DGKB: variants seen among roughly 807,000 people sequenced by gnomAD.
DGKB encodes the protein 90 kDa diacylglycerol kinase.
DGKB carries 67 observed loss-of-function variants against 114.3 expected under a neutral mutation model. That is an observed-to-expected ratio of 0.59 (90% CI 0.48 to 0.72). The LOEUF (loss-of-function observed/expected upper bound fraction) is 0.72, where lower values mean the gene tolerates loss of function less well. DGKB is among the 30% of genes least tolerant of loss of function. The pLI, the probability that DGKB is intolerant of heterozygous loss-of-function variation, is 0.00. For synonymous variants in DGKB, 398 were observed against 323.1 expected (o/e 1.23, Z -2.49); for missense variants, 907 against 975.2 (o/e 0.93, Z 0.93).
chr7:14,473,172 A>T (rs1781670007), intron 21 of DGKB, among the ~76,000 whole-genome samples: 1 of 152,072 alleles, frequency 6.6e-6, no homozygotes, highest in Non-Finnish European at 1.5e-5. Context: ...GCATAAGAGG[A>T]AAAAATGGTT....
intron 23 of DGKB, among the ~76,000 whole-genome samples, chr7:14,258,078 T>C (rs1048253598): frequency 3.9e-5 from 6 of 152,196 alleles, no homozygotes; most frequent in African/African-American, 1.2e-4. Flanking sequence ...TATTTCTTCA[T>C]AGCAGTGTGA....
intron 23 of DGKB, among the ~76,000 whole-genome samples, chr7:14,252,521 G>A (rs754502198): frequency 2.0e-5 from 3 of 152,176 alleles, no homozygotes; most frequent in Non-Finnish European, 4.4e-5. Flanking sequence ...TTCAGGGGCA[G>A]GCTGGATGTT....
chr7:14,711,802 G>A (rs1827395467), intron 6 of DGKB, among the ~76,000 whole-genome samples: 1 of 152,102 alleles, frequency 6.6e-6, no homozygotes. Context: ...AAAGTGAAAT[G>A]AAAGGAATTC....
chr7:14,412,811 A>T (rs751173630), intron 21 of DGKB, among the ~76,000 whole-genome samples: 5 of 151,942 alleles, frequency 3.3e-5, no homozygotes, highest in Non-Finnish European at 2.9e-5. Flanking sequence ...GCAAAACCCC[A>T]TCTCTACTAA....
intron 20 of DGKB, among the ~76,000 whole-genome samples, chr7:14,535,556 G>A (rs900225423): frequency 2.0e-5 from 3 of 151,908 alleles, no homozygotes; most frequent in Non-Finnish European, 2.9e-5. Flanking sequence ...AATAGAAAAT[G>A]ATCAACAAAA....
intron 25 of DGKB, among the ~76,000 whole-genome samples, chr7:14,161,399 A>C (rs1474502916): frequency 6.6e-6 from 1 of 152,192 alleles, no homozygotes; most frequent in East Asian, 1.9e-4. Flanking sequence ...AATAGCAAAG[A>C]CTTGGAACCA....
intron 9 of DGKB, among the ~76,000 whole-genome samples, chr7:14,686,720 T>A (rs1212217905): frequency 6.6e-6 from 1 of 152,096 alleles, no homozygotes; most frequent in African/African-American, 2.4e-5. Context: ...AATTCTTACA[T>A]TAGAACCAGA....
At chr7:14,657,538 T>C (rs1816104116) in intron 13 of DGKB, among the ~76,000 whole-genome samples, 1 of 151,938 alleles carries the variant, frequency 6.6e-6, no homozygotes. Context: ...CACAAACCTT[T>C]GGTAGATGAC....
chr7:14,772,461 T>A (rs79827774), intron 2 of DGKB, among the ~76,000 whole-genome samples: 1 of 152,090 alleles, frequency 6.6e-6, no homozygotes, highest in Admixed American at 6.6e-5. Context: ...TCTTACCACA[T>A]TGGATAGTAA....
chr7:14,700,378 T>C (rs1157563159), intron 7 of DGKB, among the ~76,000 whole-genome samples: 1 of 152,078 alleles, frequency 6.6e-6, no homozygotes, highest in Non-Finnish European at 1.5e-5. Context: ...CACGCCTCGA[T>C]AATTTTTGTA....
Position 14,829,799 on chromosome 7 carries a change from T to C in DGKB, c.70+11395A>G, listed in dbSNP as rs942836738. Among the ~76,000 whole-genome samples, 46 of 152,220 alleles carry C rather than the reference T, an allele frequency of 3.0e-4. 1 individual carries two copies. The highest frequency in any genetic ancestry group is 1.1e-3 in the African/African-American group (44 of 41,558). On this transcript the variant is annotated intron_variant, in intron 2 of 25. Coordinates refer to ENST00000402815, the MANE Select transcript of DGKB (RefSeq NM_001350709.2). ...AGATGCCTTCACTAGAAAGCAGCTT[T>C]GGAAAAGACAAAACATATTATTAAT...
At chr7:14,817,736 G>C (rs985979536) in intron 2 of DGKB, among the ~76,000 whole-genome samples, 1 of 152,100 alleles carries the variant, frequency 6.6e-6, no homozygotes, top group African/African-American at 2.4e-5. Context: ...ACAATGTTTA[G>C]ATTATATTGT....
intron 23 of DGKB, among the ~76,000 whole-genome samples, chr7:14,259,195 C>G (rs769281171): frequency 1.3e-5 from 2 of 152,102 alleles, no homozygotes; most frequent in East Asian, 3.9e-4. Context: ...AAGGTGAATA[C>G]AACACAAAGA....
intron 20 of DGKB, among the ~76,000 whole-genome samples, chr7:14,512,354 A>C (rs896628911): frequency 6.6e-6 from 1 of 152,184 alleles, no homozygotes; most frequent in African/African-American, 2.4e-5. Flanking sequence ...GAAGGATTTT[A>C]ATAAGTTATA....
intron 13 of DGKB, among the ~76,000 whole-genome samples, chr7:14,669,071 T>C (rs1426898517): frequency 6.6e-6 from 1 of 152,180 alleles, no homozygotes; most frequent in Non-Finnish European, 1.5e-5. Flanking sequence ...CCCACTTTCC[T>C]AGGTGACACA....
chr7:14,244,422 T>C (rs906965091), intron 23 of DGKB, among the ~76,000 whole-genome samples: 4 of 151,784 alleles, frequency 2.6e-5, no homozygotes, highest in Admixed American at 1.3e-4. Flanking sequence ...TTTGGGAGGC[T>C]GAGGTGGGCG....
At chr7:14,328,327 TTA>T (rs1399099467) in intron 23 of DGKB, among the ~76,000 whole-genome samples, 2 of 152,062 alleles carry the variant, frequency 1.3e-5, no homozygotes, top group African/African-American at 4.8e-5. Flanking sequence ...GAAAATATTG[TTA>T]TGTTTGTGTT....
chr7:14,160,233 C>G (rs1204993802), intron 25 of DGKB, among the ~76,000 whole-genome samples: 4 of 152,138 alleles, frequency 2.6e-5, no homozygotes, highest in Non-Finnish European at 5.9e-5. Context: ...GATATCCTCT[C>G]TCACCACTTT....
intron 23 of DGKB, among the ~76,000 whole-genome samples, chr7:14,274,059 G>T (rs1400646820): frequency 1.3e-5 from 2 of 152,150 alleles, no homozygotes; most frequent in African/African-American, 2.4e-5. Context: ...CACTTGAGGG[G>T]CTTTGGCTAA....
Sources: allele counts gnomAD v4.1 joint callset (sites outside exome capture counted in the v4.1 genomes callset), GRCh38; gene constraint gnomAD v4.1.1; transcripts MANE v1.5; gene names NCBI Gene and HGNC (gene_info 2026-07-23, HGNC 2026-07-21).